Variants in LRRC61 observed in about 807,000 individuals in gnomAD.
LRRC61 encodes the protein leucine rich repeat containing 61.
Under a neutral mutation model 15.1 loss-of-function variants are expected in LRRC61, and 9 were observed. The observed-to-expected ratio is 0.60, with a 90% CI of 0.36 to 1.04. The LOEUF (loss-of-function observed/expected upper bound fraction) is 1.04. LRRC61 is among the 50% of genes least tolerant of loss of function. The pLI is 0.01. For missense variants in LRRC61, 344 were observed against 335.6 expected, an observed-to-expected ratio of 1.03 and a Z score of -0.20; for synonymous variants, 173 against 158.6, an observed-to-expected ratio of 1.09 and a Z score of -0.68.
the LRRC61 span, among the ~76,000 whole-genome samples, chr7:150,316,291 T>G: frequency 7.2e-5 from 11 of 152,318 alleles, no homozygotes; most frequent in African/African-American, 2.6e-4. Context: ...CTGTTTAAAC[T>G]TTTTATTCCA....
In LRRC61 at chr7:150,331,147, C is replaced by G. The variant is rs938415432; in HGVS notation, c.-145+5137C>G. ...CTTTGCCTCCCTGAACAGCCCCACCCTTGTAGAGCAAAACTCTTCTCTCAA... is the reference window on the plus strand; with the variant it reads ...CTTTGCCTCCCTGAACAGCCCCACCGTTGTAGAGCAAAACTCTTCTCTCAA... On this transcript the variant is annotated intron_variant, in intron 2 of 2. Coordinates refer to ENST00000359623, the MANE Select transcript of LRRC61 (RefSeq NM_001142928.2). 4 of 1,565,450 alleles carry G rather than the reference C, an allele frequency of 2.6e-6. No individual in the cohort carries two copies. The Admixed American group carries it at 7.5e-5, about 29-fold the overall frequency.
rs143824199 is a variant in LRRC61, at chr7:150,329,479, G to A, written c.-145+3469G>A. On this transcript the variant is annotated intron_variant, in intron 2 of 2. Coordinates refer to ENST00000359623, the MANE Select transcript of LRRC61 (RefSeq NM_001142928.2). ...AGTGTGGGAGCCGCAGGTCTGCAGC[G>A]GTCCCCCAGCCACACTCTCTGCCTG... Among the ~76,000 whole-genome samples the A allele has an allele frequency of 9.5e-3, 1,445 of 152,258 alleles. 30 individuals carry two copies. The highest frequency in any genetic ancestry group is 0.032 in the African/African-American group (1,347 of 41,550).
chr7:150,337,798 A>C lies in LRRC61; in HGVS notation c.*157A>C. On this transcript the variant is annotated 3_prime_UTR_variant, in exon 3 of 3. Transcript: ENST00000359623. ...ATCCTGAGAGCAGCCCCTCCCCACC[A>C]TCCCTCCACATGCTGCAAGGACAGA... 4.0e-6 allele frequency: 3 copies of C among 747,910 alleles called. No homozygotes were observed. The highest frequency in any genetic ancestry group is 6.4e-6 in the Non-Finnish European group (3 of 471,538). The allele number at this position is 747,910 out of a possible 1,614,324, so 46.3% of individuals were successfully genotyped here.
At chr7:150,315,786 C>T in the LRRC61 span, among the ~76,000 whole-genome samples, 2 of 151,954 alleles carry the variant, frequency 1.3e-5, no homozygotes, top group African/African-American at 4.8e-5. Context: ...GTGTATTCTC[C>T]CCTTTTTAAT....
chr7:150,333,271 C>G lies in LRRC61; in HGVS notation c.-144-3447C>G, dbSNP rs369261090. On this transcript the variant is annotated intron_variant, in intron 2 of 2. Coordinates refer to ENST00000359623, the MANE Select transcript of LRRC61 (RefSeq NM_001142928.2). The surrounding 1 kb of genome is among the most constrained non-coding windows in gnomAD (Gnocchi z 4.3). Reference sequence around the variant, plus strand: ...TCTAGAACCTTCACTTTCATCTAGGCGCAGTTTTGTCCCCCAGTGGACATT... The same window carrying G: ...TCTAGAACCTTCACTTTCATCTAGGGGCAGTTTTGTCCCCCAGTGGACATT... Among the ~76,000 whole-genome samples the G allele has an allele frequency of 6.6e-6, 1 of 152,178 alleles. No homozygotes were observed. Among genetic ancestry groups the G allele is most frequent in the Non-Finnish European group, 1.5e-5 (1 of 68,024 alleles).
the LRRC61 span, among the ~76,000 whole-genome samples, chr7:150,313,592 G>C: frequency 3.3e-5 from 5 of 152,176 alleles, no homozygotes; most frequent in Non-Finnish European, 5.9e-5. Flanking sequence ...AGGGAGGGGG[G>C]TACAGTGAGG....
chr7:150,319,982 G>A (rs1265204548), upstream of LRRC61, among the ~76,000 whole-genome samples: 1 of 152,218 alleles, frequency 6.6e-6, no homozygotes, highest in Non-Finnish European at 1.5e-5. Context: ...ATTTCCTTCC[G>A]TTCTTCCTCT....
At chr7:150,329,934 C>T (rs540770643) in intron 2 of LRRC61, 1 of 162,578 alleles carries the variant, frequency 6.2e-6, no homozygotes, top group Non-Finnish European at 1.4e-5. Flanking sequence ...GCTGCAGATG[C>T]TGGAGCAGGC....
At position 150,330,814 on chromosome 7, in the gene LRRC61, C is replaced by T; in HGVS notation, c.-145+4804C>T. 6.2e-7 allele frequency: 1 copy of T among 1,610,854 alleles called. No individual in the cohort carries two copies. The highest frequency in any genetic ancestry group is 8.5e-7 in the Non-Finnish European group (1 of 1,178,106). ...CTGTGCGTGGACCCCACCAGGGTAG[C>T]CAAGAGCTCCGGGGTGGAGGGGAGA... On this transcript the variant is annotated intron_variant, in intron 2 of 2. Coordinates refer to ENST00000359623, the MANE Select transcript of LRRC61 (RefSeq NM_001142928.2). The surrounding 1 kb of genome is among the most constrained non-coding windows in gnomAD (Gnocchi z 4.6).
At chr7:150,316,080 C>T in the LRRC61 span, among the ~76,000 whole-genome samples, 1 of 152,134 alleles carries the variant, frequency 6.6e-6, no homozygotes, top group Non-Finnish European at 1.5e-5. Flanking sequence ...GCCTGTAATC[C>T]CAGCTATTCA....
At chr7:150,316,483 ATTTTT>A in the LRRC61 span, among the ~76,000 whole-genome samples, 4,899 of 80,704 alleles carry the variant, frequency 0.061, 167 homozygotes, top group East Asian at 0.17. Context: ...GAATCTGGTT[ATTTTT>A]TTTTTTTTTT....
chr7:150,311,412 A>T, the LRRC61 span, among the ~76,000 whole-genome samples: 1 of 152,096 alleles, frequency 6.6e-6, no homozygotes, highest in African/African-American at 2.4e-5. Flanking sequence ...CCTCACAATC[A>T]CAAGCTATGC....
rs1339347713 is a variant in LRRC61, at chr7:150,333,107, G to A, written c.-144-3611G>A. Among the ~76,000 whole-genome samples the A allele has an allele frequency of 1.3e-5, 2 of 152,170 alleles. No homozygotes were observed. Among genetic ancestry groups the A allele is most frequent in the East Asian group, 1.9e-4 (1 of 5,198 alleles). On this transcript the variant is annotated intron_variant, in intron 2 of 2. Transcript: ENST00000359623. The surrounding 1 kb of genome is among the most constrained non-coding windows in gnomAD (Gnocchi z 4.3). Reference sequence around the variant, plus strand: ...GCTCTGCTGTGTGGCATCACCGAGCGGGCTCATGTTCTGGGAGAGGACTGG... The same window carrying A: ...GCTCTGCTGTGTGGCATCACCGAGCAGGCTCATGTTCTGGGAGAGGACTGG...
At chr7:150,329,600 A>T (rs1170237152) in intron 2 of LRRC61, among the ~76,000 whole-genome samples, 1 of 152,182 alleles carries the variant, frequency 6.6e-6, no homozygotes, top group Non-Finnish European at 1.5e-5. Flanking sequence ...CCTGCCCATG[A>T]GGAATTTCCT....
At chr7:150,329,076 A>AG (rs2129618217) in intron 2 of LRRC61, among the ~76,000 whole-genome samples, 1 of 152,312 alleles carries the variant, frequency 6.6e-6, no homozygotes, top group African/African-American at 2.4e-5. Flanking sequence ...AACATTTTCA[A>AG]GGTCGGGGGG....
rs761072714 is a variant in LRRC61 at position 150,333,053 on chromosome 7, T to C, written c.-144-3665T>C. 9.9e-5 allele frequency among the ~76,000 whole-genome samples: 15 copies of C among 152,098 alleles called. No individual in the cohort carries two copies. The highest frequency in any genetic ancestry group is 2.2e-4 in the Non-Finnish European group (15 of 68,008). ...TGACTGTGCTTCCATCCTTGAGCAG[T>C]TGGAACTGTTCTTGGAAGTGGCATT... On this transcript the variant is annotated intron_variant, in intron 2 of 2. Transcript: ENST00000359623. The surrounding 1 kb of genome is among the most constrained non-coding windows in gnomAD (Gnocchi z 4.3).
At position 150,335,671 on chromosome 7, in the gene LRRC61, C is replaced by T. The variant is rs187292383; in HGVS notation, c.-144-1047C>T. 2.2e-4 allele frequency among the ~76,000 whole-genome samples: 33 copies of T among 151,270 alleles called. No homozygotes were observed. The highest frequency in any genetic ancestry group is 9.8e-4 in the Admixed American group (15 of 15,268). ...CAGATCTGCAGGGCAGGCATCACCCCGCCGGCCTGGGTGAGACTCCTGGGT... is the reference window on the plus strand; with the variant it reads ...CAGATCTGCAGGGCAGGCATCACCCTGCCGGCCTGGGTGAGACTCCTGGGT... On this transcript the variant is annotated intron_variant, in intron 2 of 2. Coordinates refer to ENST00000359623, the MANE Select transcript of LRRC61 (RefSeq NM_001142928.2). The surrounding 1 kb of genome is among the most constrained non-coding windows in gnomAD (Gnocchi z 4.3).
At chr7:150,323,615 G>C (rs775703224) in intron 1 of LRRC61, 55 bp downstream of exon 1, 7 of 453,824 alleles carry the variant, frequency 1.5e-5, no homozygotes, top group African/African-American at 4.0e-5. Flanking sequence ...GTCGGGGCCC[G>C]TGCCGGCCCC....
the LRRC61 span, among the ~76,000 whole-genome samples, chr7:150,310,518 A>T: frequency 0.04 from 6,138 of 151,882 alleles, 409 homozygotes; most frequent in African/African-American, 0.14. Context: ...GTCCTTCCCA[A>T]CCATCCTGTT....
Sources: allele counts gnomAD v4.1 joint callset (sites outside exome capture counted in the v4.1 genomes callset), GRCh38; gene constraint gnomAD v4.1.1; non-coding constraint Gnocchi (gnomAD v3.1); transcripts MANE v1.5; gene names NCBI Gene and HGNC (gene_info 2026-07-23, HGNC 2026-07-21).